Variants in ZSCAN1 observed in about 807,000 individuals in gnomAD.
ZSCAN1 encodes the protein zinc finger and SCAN domain containing 1.
Under a neutral mutation model 23.8 loss-of-function variants are expected in ZSCAN1, and 23 were observed. The ratio of observed to expected loss-of-function variants is 0.97; its 90% CI spans 0.70 to 1.37. ZSCAN1 has a LOEUF of 1.37. Ranked by LOEUF, ZSCAN1 falls within the 40% of genes most tolerant of loss-of-function variation. The pLI is 0.00. For synonymous variants in ZSCAN1, 236 were observed against 232.3 expected (o/e 1.02, Z -0.15); for missense variants, 575 against 554.0 (o/e 1.04, Z -0.38).
At chr19:58,056,399 C>T (rs60059043), downstream of ZSCAN1, among the ~76,000 whole-genome samples, 1,297 of 152,354 alleles carry the variant, frequency 8.5e-3, 15 homozygotes, top group East Asian at 0.025. Flanking sequence ...CTTGACCACA[C>T]CCAGCATACA....
At chr19:58,056,300 G>A (rs2073888941), downstream of ZSCAN1, among the ~76,000 whole-genome samples, 1 of 152,206 alleles carries the variant, frequency 6.6e-6, no homozygotes, top group African/African-American at 2.4e-5. Context: ...GTGGAGGCTG[G>A]TGTCCTTAAC....
chr19:58,041,322 C>T (rs2073787914), intron 4 of ZSCAN1, among the ~76,000 whole-genome samples: 2 of 152,148 alleles, frequency 1.3e-5, no homozygotes, highest in African/African-American at 4.8e-5. Context: ...CAGGTCCCTC[C>T]TAGAGGGGTC....
In ZSCAN1 at chr19:58,046,377, C is replaced by A. The variant is rs376902190; in HGVS notation, c.465+5833C>A. ...AATACATGGAAGGATCTAAAGCCAG[C>A]AAGAGATTGACAAAAAGGGTGCAGC... On this transcript the variant is annotated intron_variant, in intron 4 of 5. Coordinates refer to ENST00000282326, the MANE Select transcript of ZSCAN1 (RefSeq NM_182572.4). 1.5e-3 allele frequency: 1,316 copies of A among 906,328 alleles called. 13 individuals are homozygous for A. In the African/African-American group the frequency reaches 0.019, roughly 13 times the overall value. The allele number at this position is 906,328 out of a possible 1,614,324, so 56.1% of individuals were successfully genotyped here.
chr19:58,042,802 T>C (rs2073799388), intron 4 of ZSCAN1, among the ~76,000 whole-genome samples: 1 of 152,190 alleles, frequency 6.6e-6, no homozygotes, highest in Non-Finnish European at 1.5e-5. Flanking sequence ...GACTCTCTTT[T>C]TGCGGGGGTC....
At chr19:58,038,248 C>A in intron 3 of ZSCAN1, 42 bp downstream of exon 3, 1 of 1,560,970 alleles carries the variant, frequency 6.4e-7, no homozygotes, top group Non-Finnish European at 8.6e-7. Context: ...GGCCAGGGGG[C>A]CTGACGTCTC....
At position 58,045,137 on chromosome 19, in the gene ZSCAN1, C is replaced by A; in HGVS notation, c.465+4593C>A. The A allele has an allele frequency of 8.1e-7, 1 of 1,239,860 alleles. No individual in the cohort carries two copies. Among genetic ancestry groups the A allele is most frequent in the Non-Finnish European group, 1.2e-6 (1 of 842,934 alleles). 76.8% of individuals were successfully genotyped at this position (1,239,860 alleles called of 1,614,324 possible). A position where few individuals can be genotyped will look rare whatever the true frequency, so the allele number is the denominator to read the frequency against. The stretch of plus-strand genomic sequence containing the variant: ...AGATCGCAGCACGCATGCTCTGGCG[C>A]ATCCTCAACTGCCACACCCTGACCC... On this transcript the variant is annotated intron_variant, in intron 4 of 5. Coordinates refer to ENST00000282326, the MANE Select transcript of ZSCAN1 (RefSeq NM_182572.4). This position sits in a 1 kb window ranked among gnomAD's most constrained non-coding sequence, Gnocchi z 4.3.
intron 3 of ZSCAN1, among the ~76,000 whole-genome samples, chr19:58,039,459 C>T (rs1404117069): frequency 6.6e-6 from 1 of 152,134 alleles, no homozygotes; most frequent in Non-Finnish European, 1.5e-5. Flanking sequence ...GTATAATGAA[C>T]AGCCCTGCAC....
Position 58,054,561 on chromosome 19 carries a change from C to A in ZSCAN1, c.*510C>A, listed in dbSNP as rs2073880511. On this transcript the variant is annotated 3_prime_UTR_variant, in exon 6 of 6. Transcript: ENST00000282326. The surrounding 1 kb of genome is among the most constrained non-coding windows in gnomAD (Gnocchi z 4.2). ...CAGATAAACAGGGTTTTGTTTTTTT[C>A]CTTTTTTGGGTAAAGTACATGCAAC... 1 of 153,764 alleles carries A rather than the reference C, an allele frequency of 6.5e-6. No homozygotes were observed. Among genetic ancestry groups the A allele is most frequent in the Middle Eastern group, 3.4e-3 (1 of 298 alleles). 9.5% of individuals were successfully genotyped at this position (153,764 alleles called of 1,614,324 possible). A position where few individuals can be genotyped will look rare whatever the true frequency, so the allele number is the denominator to read the frequency against.
intron 4 of ZSCAN1, chr19:58,046,244 C>T (rs758840681): frequency 1.3e-6 from 1 of 774,804 alleles, no homozygotes. Context: ...CAGAAGAAGT[C>T]ACTCACCAGG....
At chr19:58,048,459 G>A (rs776768308) in intron 4 of ZSCAN1, among the ~76,000 whole-genome samples, 20 of 152,204 alleles carry the variant, frequency 1.3e-4, no homozygotes, top group Non-Finnish European at 2.4e-4. Context: ...CAGGCTGGAC[G>A]ATGGAGCGAG....
At chr19:58,043,443 A>G (rs1471837318) in intron 4 of ZSCAN1, among the ~76,000 whole-genome samples, 1 of 152,150 alleles carries the variant, frequency 6.6e-6, no homozygotes, top group Non-Finnish European at 1.5e-5. Context: ...AGAAGATAAA[A>G]AACAGTACAC....
At chr19:58,048,765 C>G (rs1219541441) in intron 4 of ZSCAN1, among the ~76,000 whole-genome samples, 1 of 151,926 alleles carries the variant, frequency 6.6e-6, no homozygotes, top group African/African-American at 2.4e-5. Context: ...CCCTTTTTAC[C>G]TTTTTTTGAG....
At chr19:58,037,704 C>A in intron 2 of ZSCAN1, 24 bp from the exon 3 acceptor site, 1 of 1,184,458 alleles carries the variant, frequency 8.4e-7, no homozygotes, top group South Asian at 1.7e-5. Flanking sequence ...GATGTGACCC[C>A]TCTGTCCCTG....
intron 4 of ZSCAN1, 125 bp from the exon 5 acceptor site, chr19:58,052,365 G>A (rs923328847): frequency 2.2e-5 from 33 of 1,487,078 alleles, no homozygotes; most frequent in Middle Eastern, 2.5e-4. Context: ...CAACAGGCGC[G>A]ACACCGCGCA....
chr19:58,048,745 C>T (rs2073841332), intron 4 of ZSCAN1, among the ~76,000 whole-genome samples: 1 of 152,136 alleles, frequency 6.6e-6, no homozygotes, highest in African/African-American at 2.4e-5. Context: ...GCGTGAGCCA[C>T]CGAGGCCGGC....
chr19:58,037,868 C>A lies in ZSCAN1; in HGVS notation c.32C>A (p.Pro11His). The stretch of plus-strand genomic sequence containing the variant: ...CCACGGCCCAAAGCCCCTGCCTCCC[C>A]CAGACGCCCCCAGACCCCAACCCCG... MLPRPKAPAS[P>H]RRPQTPTPSE... is the part of the protein sequence containing the mutation. The change falls in exon 3 of 6, where the codon CCC becomes CAC. Residue 11 changes from proline (P) to histidine (H), a missense_variant. Coordinates refer to ENST00000282326, the MANE Select transcript of ZSCAN1 (RefSeq NM_182572.4). 1.3e-6 allele frequency: 2 copies of A among 1,527,110 alleles called. No individual in the cohort carries two copies. Among genetic ancestry groups the A allele is most frequent in the South Asian group, 1.2e-5 (1 of 82,916 alleles). 94.6% of individuals were successfully genotyped at this position (1,527,110 alleles called of 1,614,324 possible).
At position 58,047,765 on chromosome 19, in the gene ZSCAN1, G is replaced by A. The variant is rs927950653; in HGVS notation, c.466-4725G>A. Among the ~76,000 whole-genome samples the A allele has an allele frequency of 6.6e-5, 10 of 152,198 alleles. No homozygotes were observed. The highest frequency in any genetic ancestry group is 2.1e-4 in the South Asian group (1 of 4,828). On this transcript the variant is annotated intron_variant, in intron 4 of 5. Coordinates refer to ENST00000282326, the MANE Select transcript of ZSCAN1 (RefSeq NM_182572.4). The surrounding 1 kb of genome is among the most constrained non-coding windows in gnomAD (Gnocchi z 4.9). ...ACAAGCAGGCTGGTCACCGAGGCAC[G>A]AAGACGAGGCACAGGGCATCCCCTG...
intron 4 of ZSCAN1, among the ~76,000 whole-genome samples, chr19:58,043,737 C>T (rs1568603599): frequency 6.6e-6 from 1 of 152,086 alleles, no homozygotes; most frequent in Non-Finnish European, 1.5e-5. Flanking sequence ...GCAACCTCAA[C>T]CTTCTGGGCT....
In ZSCAN1 at chr19:58,038,018, C is replaced by T. The variant is rs1362867658; in HGVS notation, c.182C>T (p.Thr61Met). Residue 61 changes from threonine to methionine, a missense_variant, in exon 3 of 6, where the codon ACG (threonine) becomes ATG (methionine). Coordinates refer to ENST00000282326, the MANE Select transcript of ZSCAN1 (RefSeq NM_182572.4). ...GPHLALGQLW[T>M]LCRQWLRPEA... is the part of the protein sequence containing the mutation. ...CACCTCGCGCTGGGCCAGCTCTGGA[C>T]GCTGTGCCGCCAGTGGCTGAGGCCC... 4.3e-6 allele frequency: 7 copies of T among 1,610,890 alleles called. No individual in the cohort carries two copies. Among genetic ancestry groups the T allele is most frequent in the East Asian group, 2.2e-5 (1 of 44,868 alleles).
Sources: allele counts gnomAD v4.1 joint callset (sites outside exome capture counted in the v4.1 genomes callset), GRCh38; gene constraint gnomAD v4.1.1; non-coding constraint Gnocchi (gnomAD v3.1); transcripts MANE v1.5; gene names NCBI Gene and HGNC (gene_info 2026-07-23, HGNC 2026-07-21).